The following UNC5D variants were observed in gnomAD, a reference collection of about 807,000 sequenced individuals.
The protein encoded by UNC5D is unc-5 netrin receptor D.
UNC5D carries 39 observed loss-of-function variants against 105.4 expected under a neutral mutation model. The ratio of observed to expected loss-of-function variants is 0.37; its 90% CI spans 0.29 to 0.48. UNC5D has a LOEUF of 0.48. Among genes scored for constraint, UNC5D ranks in the 20% least tolerant of loss-of-function variants. The pLI is 0.98. For synonymous variants in UNC5D, 452 were observed against 450.4 expected, an observed-to-expected ratio of 1.00 and a Z score of -0.04; for missense variants, 991 against 1,202.4, an observed-to-expected ratio of 0.82 and a Z score of 2.60.
At chr8:35,464,732 C>T (rs1311768779) in intron 1 of UNC5D, among the ~76,000 whole-genome samples, 1 of 152,172 alleles carries the variant, frequency 6.6e-6, no homozygotes, top group Non-Finnish European at 1.5e-5. Context: ...ATTTTATTGA[C>T]TCATGTAGCT....
intron 1 of UNC5D, among the ~76,000 whole-genome samples, chr8:35,400,946 G>A (rs1376742085): frequency 1.3e-5 from 2 of 152,086 alleles, no homozygotes; most frequent in African/African-American, 2.4e-5. Context: ...TATTAGCACT[G>A]GATGTGTCCC....
At chr8:35,337,987 T>C (rs144261975) in intron 1 of UNC5D, among the ~76,000 whole-genome samples, 35 of 152,364 alleles carry the variant, frequency 2.3e-4, no homozygotes, top group African/African-American at 8.4e-4. Context: ...ATGCAAATGA[T>C]TATATTAAAA....
intron 11 of UNC5D, among the ~76,000 whole-genome samples, chr8:35,747,625 G>C (rs1830069122): frequency 6.6e-6 from 1 of 152,094 alleles, no homozygotes. Flanking sequence ...ATGCCATTGG[G>C]GGAAAAATAA....
Position 35,748,670 on chromosome 8 carries a change from A to C in UNC5D, c.1910A>C (p.Lys637Thr), listed in dbSNP as rs779727791. 3 of 1,613,888 alleles carry C rather than the reference A, an allele frequency of 1.9e-6. No individual in the cohort carries two copies. The Admixed American group carries it at 5.0e-5, about 27-fold the overall frequency. Residue 637 changes from lysine to threonine, a missense_variant, in exon 12 of 17, where the codon AAG (lysine) becomes ACG (threonine). Physicochemically the swap from Lys to Thr is moderately conservative, Grantham distance 78 (BLOSUM62 -1). Around this residue, in one of 3 missense-constraint regions of UNC5D, gnomAD observed 944 missense variants for 1,131.6 expected, o/e 0.83. Coordinates refer to ENST00000404895, the MANE Select transcript of UNC5D (RefSeq NM_080872.4). ...GAGCATTGGAATATCCATTTAAAGA[A>C]GAGGACACAGCAGGGCAAATGGGAG... ...SSEHWNIHLK[K>T]RTQQGKWEEV...
rs80320221 is a variant in UNC5D at position 35,239,696 on chromosome 8, A to T, written c.103+3809A>T. Among the ~76,000 whole-genome samples the T allele has an allele frequency of 1.5e-3, 232 of 152,010 alleles. No individual in the cohort carries two copies. The East Asian group carries it at 0.024, about 16-fold the overall frequency. Reference sequence around the variant, plus strand: ...GATTACACCTTTGCCATTAATGCTGATTGTCCCTTCGTCCAGGCTGTTACT... The same window carrying T: ...GATTACACCTTTGCCATTAATGCTGTTTGTCCCTTCGTCCAGGCTGTTACT... On this transcript the variant is annotated intron_variant, in intron 1 of 16. Transcript: ENST00000404895.
chr8:35,706,485 G>A (rs1206781142), intron 8 of UNC5D, among the ~76,000 whole-genome samples: 1 of 152,150 alleles, frequency 6.6e-6, no homozygotes, highest in Non-Finnish European at 1.5e-5. Context: ...CCTTTGCATT[G>A]TCTTCATTTT....
At chr8:35,718,436 G>A (rs901654194) in intron 8 of UNC5D, among the ~76,000 whole-genome samples, 2 of 152,150 alleles carry the variant, frequency 1.3e-5, no homozygotes, top group Admixed American at 6.5e-5. Context: ...CCTGGCAGCA[G>A]GGGTTCTAAA....
intron 11 of UNC5D, among the ~76,000 whole-genome samples, chr8:35,742,181 T>C (rs1371703010): frequency 1.3e-5 from 2 of 151,718 alleles, no homozygotes; most frequent in Admixed American, 1.3e-4. Context: ...GGAGATTCGA[T>C]GATGTCATGT....
At chr8:35,353,532 C>A (rs1490553140) in intron 1 of UNC5D, among the ~76,000 whole-genome samples, 1 of 152,084 alleles carries the variant, frequency 6.6e-6, no homozygotes, top group Non-Finnish European at 1.5e-5. Context: ...TTACAGCTCA[C>A]ATTTTTGAAA....
At chr8:35,505,188 G>T (rs1812229300) in intron 1 of UNC5D, among the ~76,000 whole-genome samples, 1 of 152,124 alleles carries the variant, frequency 6.6e-6, no homozygotes, top group Admixed American at 6.5e-5. Context: ...AAATTAAAGA[G>T]AAATACTTGT....
chr8:35,704,772 G>A (rs1827441257), intron 7 of UNC5D, among the ~76,000 whole-genome samples: 1 of 152,104 alleles, frequency 6.6e-6, no homozygotes, highest in Non-Finnish European at 1.5e-5. Context: ...ACGAGGGCAG[G>A]GGGAATGGGG....
At chr8:35,287,573 C>T (rs917160630) in intron 1 of UNC5D, among the ~76,000 whole-genome samples, 3 of 151,362 alleles carry the variant, frequency 2.0e-5, no homozygotes, top group African/African-American at 7.3e-5. Flanking sequence ...GGCGGCTAAT[C>T]ATTTGAGTCC....
chr8:35,749,325 T>A (rs192083932), intron 12 of UNC5D, among the ~76,000 whole-genome samples: 1 of 152,214 alleles, frequency 6.6e-6, no homozygotes, highest in African/African-American at 2.4e-5. Context: ...CAGATTGCAA[T>A]TGAATTACTA....
chr8:35,764,134 C>G (rs779348274), intron 14 of UNC5D, among the ~76,000 whole-genome samples: 13 of 152,026 alleles, frequency 8.6e-5, no homozygotes, highest in Non-Finnish European at 2.9e-5. Context: ...CAGAGTTAGC[C>G]ATAATGGAAG....
chr8:35,323,415 C>T (rs527925097), intron 1 of UNC5D, among the ~76,000 whole-genome samples: 102 of 152,076 alleles, frequency 6.7e-4, no homozygotes, highest in African/African-American at 1.9e-3. Flanking sequence ...GGAAATGCAA[C>T]GTACCATTTT....
At chr8:35,279,455 G>C (rs867348109) in intron 1 of UNC5D, among the ~76,000 whole-genome samples, 1 of 152,192 alleles carries the variant, frequency 6.6e-6, no homozygotes, top group African/African-American at 2.4e-5. Context: ...TAAATTCCAT[G>C]TGGGTGGCAA....
At chr8:35,238,089 T>C (rs1024805605) in intron 1 of UNC5D, among the ~76,000 whole-genome samples, 4 of 152,224 alleles carry the variant, frequency 2.6e-5, no homozygotes, top group Admixed American at 2.6e-4. Flanking sequence ...ACTTTTCTTG[T>C]TGATTTGAAA....
chr8:35,637,572 T>C (rs1439537486), intron 4 of UNC5D, among the ~76,000 whole-genome samples: 1 of 151,868 alleles, frequency 6.6e-6, no homozygotes, highest in Non-Finnish European at 1.5e-5. Context: ...GGTATGAGAG[T>C]AGTCTTGAGT....
chr8:35,604,238 G>T (rs1820109585), intron 4 of UNC5D, among the ~76,000 whole-genome samples: 1 of 152,092 alleles, frequency 6.6e-6, no homozygotes, highest in Admixed American at 6.5e-5. Context: ...GGGCAGGTCT[G>T]GTGGTGACAA....
Sources: gnomAD v4.1 joint callset for allele counts (sites outside exome capture counted in the v4.1 genomes callset) on GRCh38, gnomAD v4.1.1 for gene constraint, gnomAD v4.1.1 regional missense constraint, MANE v1.5 for transcripts, NCBI Gene and HGNC (gene_info 2026-07-23, HGNC 2026-07-21) for gene names.